KLRG1: variants seen among roughly 807,000 people sequenced by gnomAD.
KLRG1 encodes killer cell lectin-like receptor subfamily G member 1.
A neutral mutation model predicts 21.8 loss-of-function variants in KLRG1; 16 were observed. The ratio of observed to expected loss-of-function variants is 0.73; its 90% CI spans 0.50 to 1.11. The LOEUF (loss-of-function observed/expected upper bound fraction) is 1.11. Ranked by LOEUF, KLRG1 falls within the 50% of genes most tolerant of loss-of-function variation. The pLI is 0.00. For missense variants in KLRG1, 173 were observed against 218.3 expected (o/e 0.79, Z 1.31); for synonymous variants, 69 against 75.9 (o/e 0.91, Z 0.47).
the KLRG1 span, chr12:9,152,817 G>A: frequency 1.9e-5 from 31 of 1,613,826 alleles, no homozygotes; most frequent in South Asian, 2.0e-4. Context: ...AGGTTAGAAC[G>A]TCTTACCTGA....
At chr12:9,094,971 A>G in the KLRG1 span, 1 of 1,484,390 alleles carries the variant, frequency 6.7e-7, no homozygotes, top group Non-Finnish European at 9.1e-7. Flanking sequence ...TTTTTTGTTT[A>G]CCATAAAAAC....
At chr12:9,203,630 C>T in the KLRG1 span, 8 of 1,004,754 alleles carry the variant, frequency 8.0e-6, no homozygotes, top group African/African-American at 3.3e-5. Context: ...CGTGAGCCAC[C>T]GCACCTGGCC....
the KLRG1 span, chr12:9,169,590 A>G: frequency 6.2e-7 from 1 of 1,603,526 alleles, no homozygotes. Flanking sequence ...CAGATTATAT[A>G]CCTGTAGCAG....
At chr12:9,197,450 AATAATATATAATAAT>A in the KLRG1 span, among the ~76,000 whole-genome samples, 22 of 132,878 alleles carry the variant, frequency 1.7e-4, no homozygotes, top group South Asian at 1.5e-3. Flanking sequence ...AGTACTGCTT[AATAATATATAATAAT>A]ATAATATATA....
At chr12:9,093,448 T>C in the KLRG1 span, 62 of 1,566,382 alleles carry the variant, frequency 4.0e-5, no homozygotes, top group Non-Finnish European at 5.1e-5. Flanking sequence ...ATATTGCATA[T>C]GCAGGAAGTT....
chr12:9,211,789 C>T, the KLRG1 span, among the ~76,000 whole-genome samples: 65 of 152,322 alleles, frequency 4.3e-4, no homozygotes, highest in Middle Eastern at 3.4e-3. Context: ...CCAGGATTGA[C>T]AAGATTGCTT....
At chr12:9,170,951 G>A in the KLRG1 span, among the ~76,000 whole-genome samples, 61 of 152,308 alleles carry the variant, frequency 4.0e-4, no homozygotes, top group African/African-American at 1.4e-3. The surrounding 1 kb of genome is among the most constrained non-coding windows in gnomAD (Gnocchi z 4.6). Context: ...GGTGATCCAG[G>A]TGAGGAAGGA....
Position 8,974,406 on chromosome 12 carries a change from A to T in KLRG1, c.-155-17800A>T, listed in dbSNP as rs542698945. ...ATGGTCTCGATCTCCTGACCTTGTG[A>T]TCCACCCACCTCGGCCTCCCAAAGT... On this transcript the variant is annotated intron_variant, in intron 1 of 4. Transcript: ENST00000539240. Among the ~76,000 whole-genome samples, 129 of 152,166 alleles carry T rather than the reference A, an allele frequency of 8.5e-4. No individual in the cohort carries two copies. The South Asian group carries it at 0.026, about 31-fold the overall frequency.
chr12:8,983,680 C>T (rs757453510), intron 1 of KLRG1, among the ~76,000 whole-genome samples: 5 of 152,200 alleles, frequency 3.3e-5, no homozygotes, highest in South Asian at 4.1e-4. Flanking sequence ...GGATTACAGC[C>T]GTGAACCGCC....
chr12:9,073,372 A>G, the KLRG1 span, among the ~76,000 whole-genome samples: 1 of 152,208 alleles, frequency 6.6e-6, no homozygotes, highest in East Asian at 1.9e-4. Context: ...ATAAAAGATG[A>G]GTATTATAAT....
Position 8,975,557 on chromosome 12 carries a change from CTTTCT to C in KLRG1, c.-155-16635_-155-16631del, listed in dbSNP as rs888650606. Among the ~76,000 whole-genome samples, 8 of 151,128 alleles carry C rather than the reference CTTTCT, an allele frequency of 5.3e-5. No individual in the cohort carries two copies. In the East Asian group the frequency reaches 1.4e-3, roughly 26 times the overall value. ...TTTGTGTTTTCACTCTTTTTTTCTT[CTTTCT>C]TTTCTTTTCTTTTTCTTTTGAGACA... On this transcript the variant is annotated intron_variant, in intron 1 of 4. Coordinates refer to the KLRG1 transcript ENST00000539240.
the KLRG1 span, chr12:9,112,171 G>A: frequency 6.2e-7 from 1 of 1,613,644 alleles, no homozygotes; most frequent in Non-Finnish European, 8.5e-7. Context: ...ACTCATTCAG[G>A]GGGTGAAAGT....
intron 3 of KLRG1, among the ~76,000 whole-genome samples, chr12:8,997,357 A>C (rs1947164383): frequency 6.6e-6 from 1 of 152,170 alleles, no homozygotes; most frequent in South Asian, 2.1e-4. Context: ...CTGTAGAACC[A>C]AATTGATTTT....
chr12:9,211,345 A>G, the KLRG1 span, among the ~76,000 whole-genome samples: 1 of 151,770 alleles, frequency 6.6e-6, no homozygotes, highest in Non-Finnish European at 1.5e-5. Flanking sequence ...ACCTGTCTTC[A>G]AGTTACTAAT....
the KLRG1 span, among the ~76,000 whole-genome samples, chr12:9,187,469 A>G: frequency 6.6e-6 from 1 of 152,204 alleles, no homozygotes; most frequent in Admixed American, 6.5e-5. Flanking sequence ...AAATGAAATC[A>G]TACACTCCAC....
the KLRG1 span, among the ~76,000 whole-genome samples, chr12:9,144,154 G>A: frequency 1.3e-5 from 2 of 152,060 alleles, no homozygotes; most frequent in Non-Finnish European, 2.9e-5. Context: ...TTGAACCAGA[G>A]CCACATGAGG....
chr12:9,007,101 G>A (rs1047255187), intron 3 of KLRG1, among the ~76,000 whole-genome samples: 1 of 152,156 alleles, frequency 6.6e-6, no homozygotes, highest in African/African-American at 2.4e-5. Context: ...CAAATGCTTT[G>A]TCTAGGAGCC....
the KLRG1 span, among the ~76,000 whole-genome samples, chr12:9,024,436 C>T: frequency 5.7e-4 from 87 of 152,138 alleles, 1 homozygote; most frequent in African/African-American, 2.1e-3. Flanking sequence ...AAGAATATAG[C>T]GTAGTATAGT....
chr12:9,114,549 C>A, the KLRG1 span, among the ~76,000 whole-genome samples: 1 of 151,870 alleles, frequency 6.6e-6, no homozygotes, highest in African/African-American at 2.4e-5. Flanking sequence ...TATTTAATAT[C>A]TTTCTCTTCT....
Sources: allele counts gnomAD v4.1 joint callset (sites outside exome capture counted in the v4.1 genomes callset), GRCh38; gene constraint gnomAD v4.1.1; non-coding constraint Gnocchi (gnomAD v3.1); transcripts MANE v1.5; gene names NCBI Gene and HGNC (gene_info 2026-07-23, HGNC 2026-07-21).